ANO4: variants seen among roughly 807,000 people sequenced by gnomAD.
ANO4 encodes the protein anoctamin 4.
ANO4 carries 69 observed loss-of-function variants against 141.9 expected under a neutral mutation model. The ratio of observed to expected loss-of-function variants is 0.49; its 90% confidence interval spans 0.40 to 0.59. ANO4 has a LOEUF of 0.59. Ranked by LOEUF, ANO4 falls within the 20% of genes least tolerant of loss-of-function variation. The probability of loss-of-function intolerance (pLI) is 0.00; values close to 1 mark genes in which losing one functional copy is unlikely to be tolerated. For missense variants in ANO4, 894 were observed against 1,162.2 expected (o/e 0.77, Z 3.36); for synonymous variants, 350 against 394.3 (o/e 0.89, Z 1.33).
intron 26 of ANO4, among the ~76,000 whole-genome samples, chr12:101,122,008 TG>T (rs1339533903): frequency 6.6e-6 from 1 of 152,120 alleles, no homozygotes; most frequent in Non-Finnish European, 1.5e-5. Flanking sequence ...CCATCCGCCT[TG>T]GCCTCCCAAA....
In ANO4 at chr12:101,120,587, G is replaced by A. The variant is rs570033114; in HGVS notation, c.2638G>A (p.Val880Ile). 13 of 1,614,070 alleles carry A rather than the reference G, an allele frequency of 8.1e-6. No individual in the cohort carries two copies. The African/African-American group carries it at 1.6e-4, about 20-fold the overall frequency. ...PYGYTLQFWH[V>I]LAARLAFIIV... ...TGGCTACACACTGCAGTTTTGGCATGTCCTAGCTGCTCGATTAGCTTTTAT... is the reference window on the plus strand; with the variant it reads ...TGGCTACACACTGCAGTTTTGGCATATCCTAGCTGCTCGATTAGCTTTTAT... The change falls in exon 26 of 28, where the codon GTC becomes ATC. Residue 880 changes from valine to isoleucine, a missense_variant. This residue lies in a region of ANO4 where 637 missense variants were observed against 909.2 expected (regional missense o/e 0.70). Transcript: ENST00000392977.
At chr12:100,757,655 C>T (rs2032671749) in intron 3 of ANO4, among the ~76,000 whole-genome samples, 2 of 152,180 alleles carry the variant, frequency 1.3e-5, no homozygotes, top group Non-Finnish European at 2.9e-5. Context: ...CCACTTGCTC[C>T]GTTAGTTCCT....
intron 1 of ANO4, among the ~76,000 whole-genome samples, chr12:100,878,812 A>G (rs2135949497): frequency 6.6e-6 from 1 of 152,308 alleles, no homozygotes; most frequent in South Asian, 2.1e-4. Context: ...AGAATTCTTT[A>G]AACATGGCAA....
intron 17 of ANO4, among the ~76,000 whole-genome samples, chr12:101,089,650 T>C (rs2049668164): frequency 6.6e-6 from 1 of 152,222 alleles, no homozygotes; most frequent in African/African-American, 2.4e-5. Context: ...ATTTAATTTA[T>C]ACATCTTCTT....
intron 1 of ANO4, among the ~76,000 whole-genome samples, chr12:100,874,055 A>G (rs892536415): frequency 6.6e-6 from 1 of 152,190 alleles, no homozygotes. Context: ...TAGCTTCCAC[A>G]TGGTGTTAAG....
At position 100,767,499 on chromosome 12, in the gene ANO4, C is replaced by T. The variant is rs372217512; in HGVS notation, c.358+27394C>T. 2.6e-5 allele frequency among the ~76,000 whole-genome samples: 4 copies of T among 152,264 alleles called. No homozygotes were observed. In the East Asian group the frequency reaches 7.7e-4, roughly 29 times the overall value. ...TTAAGTCAAATAAGGGTTACCTGAA[C>T]ACAAGCACTGTGATACCATGATGGT... On this transcript the variant is annotated intron_variant, in intron 3 of 29. Coordinates refer to the ANO4 transcript ENST00000644049.
chr12:100,768,257 C>G (rs1452188198), intron 3 of ANO4, among the ~76,000 whole-genome samples: 1 of 152,200 alleles, frequency 6.6e-6, no homozygotes, highest in South Asian at 2.1e-4. Flanking sequence ...TTTTCTTCCA[C>G]CATTCAGAGG....
chr12:100,828,835 T>A (rs2036494606), intron 1 of ANO4, among the ~76,000 whole-genome samples: 1 of 152,002 alleles, frequency 6.6e-6, no homozygotes, highest in African/African-American at 2.4e-5. Flanking sequence ...CTGGCCAACA[T>A]GGTAAAACCC....
intron 1 of ANO4, among the ~76,000 whole-genome samples, chr12:100,802,066 C>T (rs1371453524): frequency 1.3e-5 from 2 of 152,084 alleles, no homozygotes; most frequent in Non-Finnish European, 2.9e-5. Flanking sequence ...GAAGTGAAGC[C>T]GGGAAGTCTA....
chr12:100,883,914 A>G (rs970513734), intron 1 of ANO4, among the ~76,000 whole-genome samples: 5 of 152,236 alleles, frequency 3.3e-5, no homozygotes, highest in Non-Finnish European at 7.3e-5. Flanking sequence ...AAATATTTTA[A>G]GGCATTTCAA....
At chr12:100,734,900 A>G (rs2031539857) in intron 2 of ANO4, among the ~76,000 whole-genome samples, 1 of 152,270 alleles carries the variant, frequency 6.6e-6, no homozygotes, top group Admixed American at 6.5e-5. Flanking sequence ...GAGATTTAAA[A>G]TTCAGTAACC....
intron 1 of ANO4, among the ~76,000 whole-genome samples, chr12:100,811,458 GT>G (rs774934500): frequency 3.9e-5 from 6 of 152,130 alleles, no homozygotes; most frequent in African/African-American, 1.2e-4. Flanking sequence ...ATTTGTAAAA[GT>G]TTTTTATGGC....
chr12:100,881,594 T>C (rs1565965966), intron 1 of ANO4, among the ~76,000 whole-genome samples: 1 of 152,180 alleles, frequency 6.6e-6, no homozygotes, highest in African/African-American at 2.4e-5. Context: ...AGTTTAGTTT[T>C]TACTCTGCTG....
chr12:100,862,836 C>G (rs2038555037), intron 1 of ANO4, among the ~76,000 whole-genome samples: 1 of 152,080 alleles, frequency 6.6e-6, no homozygotes, highest in Non-Finnish European at 1.5e-5. Context: ...ATATGTTGTC[C>G]ATCATTGACT....
chr12:101,119,519 AC>A (rs2050995049), intron 25 of ANO4, among the ~76,000 whole-genome samples: 1 of 152,180 alleles, frequency 6.6e-6, no homozygotes, highest in African/African-American at 2.4e-5. Context: ...GCTATATAAA[AC>A]AACCATAATA....
chr12:100,740,446 T>A (rs2031814599), intron 3 of ANO4, among the ~76,000 whole-genome samples: 1 of 152,150 alleles, frequency 6.6e-6, no homozygotes. Flanking sequence ...ATATTTGACC[T>A]AAGTGCTAGT....
intron 23 of ANO4, 137 bp from the exon 24 acceptor site, chr12:101,111,426 T>A (rs2050659504): frequency 1.3e-6 from 1 of 754,188 alleles, no homozygotes; most frequent in Non-Finnish European, 2.0e-6. Context: ...AAATCTTTCC[T>A]CCTGGTTGCA....
At chr12:100,895,030 A>T (rs994510055) in intron 1 of ANO4, among the ~76,000 whole-genome samples, 2 of 151,780 alleles carry the variant, frequency 1.3e-5, no homozygotes, top group East Asian at 3.9e-4. Flanking sequence ...CAGACCTGAG[A>T]GTAACCAAGA....
chr12:101,027,602 A>T (rs1166403661), intron 9 of ANO4, among the ~76,000 whole-genome samples: 1 of 152,184 alleles, frequency 6.6e-6, no homozygotes, highest in Non-Finnish European at 1.5e-5. Context: ...AGACTGCAAC[A>T]AGAGCGCCTC....
Sources: gnomAD v4.1 joint callset for allele counts (sites outside exome capture counted in the v4.1 genomes callset) on GRCh38, gnomAD v4.1.1 for gene constraint, gnomAD v4.1.1 regional missense constraint, MANE v1.5 for transcripts, NCBI Gene and HGNC (gene_info 2026-07-23, HGNC 2026-07-21) for gene names.